The following RTN4IP1 variants were observed in gnomAD, a reference collection of about 807,000 sequenced individuals.
The protein encoded by RTN4IP1 is NAD(P)H oxidoreductase RTN4IP1, mitochondrial.
RTN4IP1 carries 32 observed loss-of-function variants against 46.6 expected under a neutral mutation model. The observed-to-expected ratio is 0.69, with a 90% CI of 0.52 to 0.92. The LOEUF (loss-of-function observed/expected upper bound fraction) is 0.92. Among genes scored for constraint, RTN4IP1 ranks in the 40% least tolerant of loss-of-function variants. The probability of loss-of-function intolerance (pLI) is 0.00; values close to 1 mark genes in which losing one functional copy is unlikely to be tolerated. For synonymous variants in RTN4IP1, 167 were observed against 161.8 expected, an observed-to-expected ratio of 1.03 and a Z score of -0.24; for missense variants, 424 against 485.8, an observed-to-expected ratio of 0.87 and a Z score of 1.20.
chr6:106,576,680 G>A (rs775353528), intron 8 of RTN4IP1, among the ~76,000 whole-genome samples: 4 of 152,184 alleles, frequency 2.6e-5, no homozygotes, highest in African/African-American at 4.8e-5. Flanking sequence ...GTCCAATATG[G>A]TAGCCTCTAG....
chr6:106,615,239 T>C (rs1211294009), intron 4 of RTN4IP1, among the ~76,000 whole-genome samples: 2 of 152,064 alleles, frequency 1.3e-5, no homozygotes, highest in African/African-American at 2.4e-5. Context: ...GGCCTTAGAA[T>C]GCATTTGAAA....
intron 5 of RTN4IP1, 52 bp from the exon 6 acceptor site, chr6:106,592,352 A>G (rs1236802914): frequency 6.3e-7 from 1 of 1,576,344 alleles, no homozygotes; most frequent in Admixed American, 1.9e-5. Flanking sequence ...GATTAGAAAA[A>G]CTGACTGCAT....
chr6:106,617,674 A>G (rs1271038594), intron 4 of RTN4IP1, among the ~76,000 whole-genome samples: 6 of 152,210 alleles, frequency 3.9e-5, no homozygotes, highest in African/African-American at 1.4e-4. Context: ...CAATGTCTCT[A>G]AGAAGAGACA....
chr6:106,603,062 AT>A, intron 4 of RTN4IP1, 140 bp from the exon 5 acceptor site: 2 of 567,282 alleles, frequency 3.5e-6, no homozygotes, highest in South Asian at 6.5e-5. Flanking sequence ...CCCAAGATAT[AT>A]TACACAAGGA....
intron 4 of RTN4IP1, among the ~76,000 whole-genome samples, chr6:106,613,032 G>A (rs539943204): frequency 7.0e-4 from 107 of 152,198 alleles, no homozygotes; most frequent in African/African-American, 2.3e-3. Context: ...TTGTGGCGCC[G>A]AAACTTTATA....
chr6:106,597,582 A>C (rs1775828078), intron 5 of RTN4IP1, among the ~76,000 whole-genome samples: 1 of 151,622 alleles, frequency 6.6e-6, no homozygotes, highest in Non-Finnish European at 1.5e-5. Context: ...GAGCTCAAGC[A>C]ATCTGCCCTC....
At chr6:106,598,540 GTTGT>G (rs1309754376) in intron 5 of RTN4IP1, among the ~76,000 whole-genome samples, 11 of 151,348 alleles carry the variant, frequency 7.3e-5, no homozygotes, top group African/African-American at 2.2e-4. Flanking sequence ...TTTTGATGGG[GTTGT>G]TTGTTTTTTC....
At chr6:106,629,890 C>G (rs1014762068), upstream of RTN4IP1, among the ~76,000 whole-genome samples, 1 of 152,120 alleles carries the variant, frequency 6.6e-6, no homozygotes, top group Non-Finnish European at 1.5e-5. Flanking sequence ...GGAGTTAGGA[C>G]CTTAGCAGGG....
chr6:106,589,216 AGGAGGAG>A (rs1562136528), intron 6 of RTN4IP1, among the ~76,000 whole-genome samples: 3 of 1,330 alleles, frequency 2.3e-3, no homozygotes, highest in Non-Finnish European at 4.2e-3. Context: ...GGGAGGAGGG[AGGAGGAG>A]GGAGGAGGAG....
chr6:106,617,738 C>T (rs72945068), intron 4 of RTN4IP1, among the ~76,000 whole-genome samples: 5,923 of 152,124 alleles, frequency 0.039, 166 homozygotes, highest in Non-Finnish European at 0.059. Context: ...TTGTTTTTTA[C>T]AGTATATTAA....
upstream of RTN4IP1, among the ~76,000 whole-genome samples, chr6:106,630,226 T>G (rs1438287102): frequency 6.6e-6 from 1 of 152,246 alleles, no homozygotes; most frequent in African/African-American, 2.4e-5. Flanking sequence ...AATTCTAGAC[T>G]GTATTTGTGA....
At chr6:106,577,075 T>C (rs573644733) in intron 8 of RTN4IP1, among the ~76,000 whole-genome samples, 27 of 152,296 alleles carry the variant, frequency 1.8e-4, no homozygotes, top group Non-Finnish European at 3.8e-4. Context: ...CTGTGAACAT[T>C]AAGCTCCTAA....
chr6:106,600,632 A>C (rs536055173), intron 5 of RTN4IP1, among the ~76,000 whole-genome samples: 4 of 151,852 alleles, frequency 2.6e-5, no homozygotes, highest in Admixed American at 2.6e-4. Flanking sequence ...GTCTCTGTGG[A>C]TTTGCCTATT....
intron 1 of RTN4IP1, 95 bp downstream of exon 1, chr6:106,628,653 A>C: frequency 8.5e-7 from 1 of 1,180,938 alleles, no homozygotes. Context: ...TGATTCATTT[A>C]TGTAAACCAA....
chr6:106,609,819 A>G, intron 4 of RTN4IP1, among the ~76,000 whole-genome samples: 1 of 152,236 alleles, frequency 6.6e-6, no homozygotes, highest in East Asian at 1.9e-4. Context: ...ATAAAAAAGC[A>G]AAACTGTGTT....
At chr6:106,629,563 G>A, upstream of RTN4IP1, 2 of 1,228,462 alleles carry the variant, frequency 1.6e-6, no homozygotes, top group East Asian at 5.3e-5. Flanking sequence ...CCAAGTACTC[G>A]GTGTTGAAGG....
At chr6:106,574,498 C>A (rs1368734784) in intron 8 of RTN4IP1, among the ~76,000 whole-genome samples, 2 of 151,880 alleles carry the variant, frequency 1.3e-5, no homozygotes, top group Non-Finnish European at 2.9e-5. Context: ...CTGAACCTAT[C>A]ACTCCTCCAA....
At chr6:106,623,030 T>C (rs1776527628) in intron 1 of RTN4IP1, 61 bp from the exon 2 acceptor site, 1 of 1,525,794 alleles carries the variant, frequency 6.6e-7, no homozygotes, top group Non-Finnish European at 9.0e-7. Flanking sequence ...TTAAAACTAC[T>C]ACAGGGTTAT....
At chr6:106,614,634 A>G (rs1279557535) in intron 4 of RTN4IP1, among the ~76,000 whole-genome samples, 2 of 152,196 alleles carry the variant, frequency 1.3e-5, no homozygotes. Context: ...AGAAAACTTA[A>G]AAGTCTTAAT....
Sources: allele counts gnomAD v4.1 joint callset (sites outside exome capture counted in the v4.1 genomes callset), GRCh38; gene constraint gnomAD v4.1.1; transcripts MANE v1.5; gene names NCBI Gene and HGNC (gene_info 2026-07-23, HGNC 2026-07-21).